The following CFAP92 variants were observed in gnomAD, a reference collection of about 807,000 sequenced individuals.
CFAP92 encodes the protein cilia and flagella associated protein 92 (putative), also known as uncharacterized protein CFAP92.
In CFAP92, 86 loss-of-function variants were observed where a neutral mutation model predicts 106.3. The ratio of observed to expected loss-of-function variants is 0.81; its 90% CI spans 0.68 to 0.97. The LOEUF (loss-of-function observed/expected upper bound fraction) is 0.97, where lower values mean the gene tolerates loss of function less well. CFAP92 is among the 50% of genes least tolerant of loss of function. The probability of loss-of-function intolerance (pLI) is 0.00; values close to 1 mark genes in which losing one functional copy is unlikely to be tolerated. For missense variants in CFAP92, 1,204 were observed against 1,283.8 expected, an observed-to-expected ratio of 0.94 and a Z score of 0.95; for synonymous variants, 477 against 506.4, an observed-to-expected ratio of 0.94 and a Z score of 0.78.
At chr3:129,003,343 C>T, upstream of CFAP92, 1 of 939,828 alleles carries the variant, frequency 1.1e-6, no homozygotes, top group Non-Finnish European at 1.3e-6. Flanking sequence ...TGGGAACACA[C>T]CAGTAAAGAC....
At position 128,987,772 on chromosome 3, in the gene CFAP92, TAA is replaced by T. The variant is rs775867178; in HGVS notation, c.509_510del (p.Phe170Ter). 8.1e-6 allele frequency: 13 copies of T among 1,613,772 alleles called. No individual in the cohort carries two copies. The highest frequency in any genetic ancestry group is 1.0e-5 in the Non-Finnish European group (12 of 1,179,826). On this transcript the variant is annotated frameshift_variant, in exon 4 of 16. Transcript: ENST00000645291. LOFTEE classifies it high-confidence loss of function. ...DKAWVSWEQTFNITVTKELLK... is the reference protein window; with the variant it reads ...DKAWVSWEQTXNITVTKELLK... ...AATAATTCCTTTGTCACAGTGATAT[TAA>T]AAGTCTGCTCCCACGACACCCAGGC...
rs199828860 is a variant in CFAP92, at chr3:128,939,397, C to G, written c.2259-4078G>C. Among the ~76,000 whole-genome samples the G allele has an allele frequency of 2.1e-4, 32 of 152,282 alleles. No homozygotes were observed. The East Asian group carries it at 5.6e-3, about 27-fold the overall frequency. On this transcript the variant is annotated intron_variant, in intron 10 of 15. Coordinates refer to ENST00000645291, the MANE Select transcript of CFAP92 (RefSeq NM_001394090.1). ...TGGGTAATTGCCCACCTCAGCCTCC[C>G]AAAGTGCTGAGATTACAGGCGTGAG... is the stretch of plus-strand genomic sequence containing the variant.
At chr3:128,975,465 A>G (rs1559919423) in intron 7 of CFAP92, among the ~76,000 whole-genome samples, 1 of 149,914 alleles carries the variant, frequency 6.7e-6, no homozygotes, top group Non-Finnish European at 1.5e-5. Flanking sequence ...GGATGGATGG[A>G]TGGATGAATA....
chr3:129,001,317 G>T (rs1012761373), intron 1 of CFAP92, among the ~76,000 whole-genome samples: 1 of 152,206 alleles, frequency 6.6e-6, no homozygotes, highest in South Asian at 2.1e-4. Context: ...CGCCAGGAAC[G>T]CCCCGTGAGT....
At chr3:129,015,939 C>T in the CFAP92 span, among the ~76,000 whole-genome samples, 1 of 152,330 alleles carries the variant, frequency 6.6e-6, no homozygotes. Flanking sequence ...GCAGCGTGGC[C>T]GTGGCCTGAT....
chr3:128,982,420 A>G (rs2107802972), intron 4 of CFAP92, among the ~76,000 whole-genome samples: 1 of 152,358 alleles, frequency 6.6e-6, no homozygotes, highest in East Asian at 1.9e-4. Context: ...ATTAGGCTTC[A>G]GTTAATATTG....
In CFAP92 at chr3:129,001,728, C is replaced by G. The variant is rs964553875; in HGVS notation, n.117+846G>C. On this transcript the variant is annotated intron_variant and non_coding_transcript_variant, in intron 1 of 4. Transcript: ENST00000510149. ...GCGCACGCAGTGGCTGCTGAGCGCC[C>G]TGGCGCACCACTACGGGCTGGACCG... 8 of 1,523,986 alleles carry G rather than the reference C, an allele frequency of 5.2e-6. No homozygotes were observed. The highest frequency in any genetic ancestry group is 4.3e-5 in the African/African-American group (3 of 69,884). 94.4% of individuals were successfully genotyped at this position (1,523,986 alleles called of 1,614,324 possible). A position where few individuals can be genotyped will look rare whatever the true frequency, so the allele number is the denominator to read the frequency against.
At chr3:128,959,882 T>A (rs1291605882) in intron 9 of CFAP92, among the ~76,000 whole-genome samples, 4 of 152,226 alleles carry the variant, frequency 2.6e-5, no homozygotes, top group Non-Finnish European at 5.9e-5. Flanking sequence ...TACATCCAGA[T>A]GGCCTGAAGT....
chr3:128,919,786 A>AACAAAATTGGATT (rs1937118260), intron 12 of CFAP92, among the ~76,000 whole-genome samples: 1 of 152,240 alleles, frequency 6.6e-6, no homozygotes, highest in Admixed American at 6.5e-5. Flanking sequence ...TTGCTAGAGA[A>AACAAAATTGGATT]ACAAAATTGG....
chr3:128,964,179 C>T (rs1942181903), intron 9 of CFAP92, among the ~76,000 whole-genome samples: 1 of 152,178 alleles, frequency 6.6e-6, no homozygotes, highest in Admixed American at 6.5e-5. Flanking sequence ...TTACGGTCCT[C>T]CGTCTTCAAG....
the CFAP92 span, among the ~76,000 whole-genome samples, chr3:129,023,627 TG>T: frequency 6.6e-6 from 1 of 152,220 alleles, no homozygotes; most frequent in Non-Finnish European, 1.5e-5. Flanking sequence ...CCACCGCGCC[TG>T]GCCACCTCTT....
chr3:128,910,043 T>C lies in CFAP92; in HGVS notation c.*256A>G. ...CAGACCATCATGGAGGAGCAGCTGG[T>C]ACTGAAGCGGGTGGCCAACATCCTC... On this transcript the variant is annotated 3_prime_UTR_variant, in exon 16 of 16. Transcript: ENST00000645291. 6.2e-7 allele frequency: 1 copy of C among 1,613,818 alleles called. No homozygotes were observed. The highest frequency in any genetic ancestry group is 8.5e-7 in the Non-Finnish European group (1 of 1,179,964).
chr3:129,019,473 C>T, the CFAP92 span, among the ~76,000 whole-genome samples: 1 of 152,200 alleles, frequency 6.6e-6, no homozygotes, highest in Non-Finnish European at 1.5e-5. Context: ...GAGACCGCAG[C>T]AGGACCCTCA....
At chr3:128,932,575 C>G in intron 12 of CFAP92, 125 bp downstream of exon 12, 1 of 968,532 alleles carries the variant, frequency 1.0e-6, no homozygotes, top group Non-Finnish European at 1.5e-6. Flanking sequence ...GTAGCCCAGG[C>G]CAGGAGCGCA....
chr3:129,022,586 G>A, the CFAP92 span, among the ~76,000 whole-genome samples: 2 of 152,206 alleles, frequency 1.3e-5, no homozygotes, highest in African/African-American at 4.8e-5. Flanking sequence ...GCCTCCGGAT[G>A]CTGTGCAGAT....
In CFAP92 at chr3:128,945,973, C is replaced by T; in HGVS notation, c.1356G>A (p.Arg452=). ...SQPVPIQELE[R]LCMPVYCKYQ... is the part of the protein sequence containing the mutation. ...ACTTGCAGTACACAGGCATGCACAG[C>T]CTCTACGAGAGAGCAGGGCCACAGC... The change falls in exon 10 of 16, where the codon AGG becomes AGA. Residue 452 remains arginine (R), a splice_region_variant and synonymous_variant. Coordinates refer to ENST00000645291, the MANE Select transcript of CFAP92 (RefSeq NM_001394090.1). 1 of 1,428,944 alleles carries T rather than the reference C, an allele frequency of 7.0e-7. No homozygotes were observed. The allele number at this position is 1,428,944 out of a possible 1,614,324, so 88.5% of individuals were successfully genotyped here.
chr3:128,942,385 G>T (rs912891529), intron 10 of CFAP92, among the ~76,000 whole-genome samples: 1 of 152,174 alleles, frequency 6.6e-6, no homozygotes, highest in Admixed American at 6.5e-5. Flanking sequence ...CAGCCCTGGC[G>T]GCCACAGTTT....
chr3:128,957,715 C>T (rs562090087), intron 9 of CFAP92, among the ~76,000 whole-genome samples: 1 of 152,254 alleles, frequency 6.6e-6, no homozygotes, highest in Admixed American at 6.5e-5. Context: ...AGAAACATGA[C>T]CAAACTACAT....
chr3:128,937,892 G>A (rs1422676281), intron 10 of CFAP92, among the ~76,000 whole-genome samples: 4 of 152,104 alleles, frequency 2.6e-5, no homozygotes, highest in African/African-American at 9.7e-5. Flanking sequence ...GCAAAACCCT[G>A]TCTCTACTAC....
Sources: allele counts gnomAD v4.1 joint callset (sites outside exome capture counted in the v4.1 genomes callset), GRCh38; gene constraint gnomAD v4.1.1; transcripts MANE v1.5; gene names NCBI Gene and HGNC (gene_info 2026-07-23, HGNC 2026-07-21).